PTPRT: variants seen among roughly 807,000 people sequenced by gnomAD.
PTPRT encodes the protein receptor-type tyrosine-protein phosphatase T.
In PTPRT, 56 loss-of-function variants were observed where a neutral mutation model predicts 176.8. That is an observed-to-expected ratio of 0.32 (90% confidence interval 0.26 to 0.40). The LOEUF (loss-of-function observed/expected upper bound fraction) is 0.40. Among genes scored for constraint, PTPRT ranks in the 10% least tolerant of loss-of-function variants. PTPRT has a pLI of 1.00. For missense variants in PTPRT, 1,540 were observed against 1,908.2 expected, an observed-to-expected ratio of 0.81 and a Z score of 3.60; for synonymous variants, 783 against 739.0, an observed-to-expected ratio of 1.06 and a Z score of -0.96.
At chr20:42,442,376 C>G (rs2059324120) in intron 9 of PTPRT, among the ~76,000 whole-genome samples, 1 of 152,144 alleles carries the variant, frequency 6.6e-6, no homozygotes, top group African/African-American at 2.4e-5. Flanking sequence ...CCTATTGTAC[C>G]TTTTAAAGGC....
At chr20:43,036,018 G>C (rs568674482) in intron 1 of PTPRT, among the ~76,000 whole-genome samples, 1 of 152,278 alleles carries the variant, frequency 6.6e-6, no homozygotes, top group East Asian at 1.9e-4. Flanking sequence ...CTGGGCACCA[G>C]GGAGTCTGTC....
At chr20:43,000,462 C>G (rs11907665) in intron 1 of PTPRT, among the ~76,000 whole-genome samples, 1 of 151,480 alleles carries the variant, frequency 6.6e-6, no homozygotes, top group African/African-American at 2.4e-5. Flanking sequence ...ACAGCAATGA[C>G]TTGAACTCTC....
At chr20:42,805,217 CAT>C (rs940429844) in intron 2 of PTPRT, among the ~76,000 whole-genome samples, 17 of 152,192 alleles carry the variant, frequency 1.1e-4, no homozygotes, top group African/African-American at 3.1e-4. Flanking sequence ...GACAGCCACA[CAT>C]GTCTTGAGGT....
the PTPRT span, among the ~76,000 whole-genome samples, chr20:42,059,827 C>T: frequency 6.6e-6 from 1 of 152,072 alleles, no homozygotes; most frequent in Non-Finnish European, 1.5e-5. Flanking sequence ...CTGGTTCTTA[C>T]TCATGTTTTG....
At chr20:42,313,329 C>T (rs1227305220) in intron 12 of PTPRT, among the ~76,000 whole-genome samples, 1 of 152,148 alleles carries the variant, frequency 6.6e-6, no homozygotes, top group Non-Finnish European at 1.5e-5. Flanking sequence ...CATTTACCTT[C>T]TTAATAAACT....
At chr20:42,432,886 C>T (rs1023083734) in intron 9 of PTPRT, among the ~76,000 whole-genome samples, 1 of 152,178 alleles carries the variant, frequency 6.6e-6, no homozygotes, top group African/African-American at 2.4e-5. Context: ...TCTTGCCACC[C>T]TAAAACTATA....
chr20:42,904,676 C>T (rs1208713133), intron 1 of PTPRT, among the ~76,000 whole-genome samples: 1 of 152,092 alleles, frequency 6.6e-6, no homozygotes, highest in Non-Finnish European at 1.5e-5. Flanking sequence ...TTTTCATGCC[C>T]AAATGTTGCA....
intron 7 of PTPRT, among the ~76,000 whole-genome samples, chr20:42,641,737 G>T (rs1171060639): frequency 6.6e-6 from 1 of 152,140 alleles, no homozygotes. Flanking sequence ...GGAATAAGCA[G>T]CCACAGAGAC....
At position 42,978,391 on chromosome 20, in the gene PTPRT, G is replaced by A. The variant is rs547714971; in HGVS notation, c.89-92459C>T. On this transcript the variant is annotated intron_variant, in intron 1 of 30. Coordinates refer to ENST00000373187, the MANE Select transcript of PTPRT (RefSeq NM_007050.6). ...GAAAGCAAAACTGAGAAAAGTGAGA[G>A]AATACAGGGTCAAAGAGTATGCACA... is the stretch of plus-strand genomic sequence containing the variant. Among the ~76,000 whole-genome samples the A allele has an allele frequency of 3.9e-5, 6 of 152,292 alleles. No individual in the cohort carries two copies. In the South Asian group the frequency reaches 6.2e-4, roughly 16 times the overall value.
rs208224 is a variant in PTPRT, at chr20:42,820,426, G to T, written c.215-28960C>A. Among the ~76,000 whole-genome samples, 283 of 152,198 alleles carry T rather than the reference G, an allele frequency of 1.9e-3. 2 individuals carry two copies. The highest frequency in any genetic ancestry group is 6.6e-3 in the African/African-American group (274 of 41,530). ...TGGGACACAGCTAAAGCAGTGTTAAGAGGGAAATTTATAGCACTAAATGCC... is the reference window on the plus strand; with the variant it reads ...TGGGACACAGCTAAAGCAGTGTTAATAGGGAAATTTATAGCACTAAATGCC... On this transcript the variant is annotated intron_variant, in intron 2 of 30. Coordinates refer to ENST00000373187, the MANE Select transcript of PTPRT (RefSeq NM_007050.6).
At chr20:42,231,835 T>C (rs1253395345) in intron 15 of PTPRT, among the ~76,000 whole-genome samples, 2 of 152,232 alleles carry the variant, frequency 1.3e-5, no homozygotes, top group Admixed American at 6.5e-5. Flanking sequence ...AATTATTTAC[T>C]GTCTGGCTCC....
chr20:43,126,914 C>T (rs1242216705), intron 1 of PTPRT, among the ~76,000 whole-genome samples: 1 of 152,152 alleles, frequency 6.6e-6, no homozygotes, highest in Non-Finnish European at 1.5e-5. Flanking sequence ...AGGACATCTG[C>T]CCAGAAGCAA....
intron 13 of PTPRT, among the ~76,000 whole-genome samples, chr20:42,253,305 C>T (rs1180037384): frequency 6.6e-6 from 1 of 152,128 alleles, no homozygotes; most frequent in African/African-American, 2.4e-5. Context: ...CAGATGCCAG[C>T]AGTAGGTCCA....
intron 1 of PTPRT, among the ~76,000 whole-genome samples, chr20:43,086,583 C>T (rs1028032236): frequency 6.6e-6 from 1 of 152,100 alleles, no homozygotes; most frequent in Non-Finnish European, 1.5e-5. Flanking sequence ...AGCCACCAAG[C>T]GTGAATTACT....
intron 7 of PTPRT, among the ~76,000 whole-genome samples, chr20:42,619,972 C>T (rs1297563700): frequency 0.18 from 25,649 of 142,604 alleles, 3,514 homozygotes; most frequent in African/African-American, 0.38. Context: ...AGCTTTGTTC[C>T]GTTGCTGGTG....
downstream of PTPRT, among the ~76,000 whole-genome samples, chr20:42,068,612 G>A (rs768575601): frequency 6.6e-6 from 1 of 152,172 alleles, no homozygotes. Flanking sequence ...GCACCTGGGC[G>A]GGATGAGCCA....
rs1461588938 is a variant in PTPRT at position 42,934,446 on chromosome 20, G to A, written c.89-48514C>T. On this transcript the variant is annotated intron_variant, in intron 1 of 30. Coordinates refer to ENST00000373187, the MANE Select transcript of PTPRT (RefSeq NM_007050.6). Reference sequence around the variant, plus strand: ...CATTTATTATCTCACATTTTCTGTGGGTCAGGAATCCAGGCAGAGCTCAGC... The same window carrying A: ...CATTTATTATCTCACATTTTCTGTGAGTCAGGAATCCAGGCAGAGCTCAGC... Among the ~76,000 whole-genome samples, 41 of 152,134 alleles carry A rather than the reference G, an allele frequency of 2.7e-4. 1 individual carries two copies. Among genetic ancestry groups the A allele is most frequent in the Admixed American group, 2.7e-3 (41 of 15,262 alleles).
chr20:42,057,111 C>G, the PTPRT span, among the ~76,000 whole-genome samples: 1 of 152,212 alleles, frequency 6.6e-6, no homozygotes, highest in Non-Finnish European at 1.5e-5. Flanking sequence ...GCCTCCCGCA[C>G]ATCATGAAGA....
intron 1 of PTPRT, among the ~76,000 whole-genome samples, chr20:42,979,271 T>C (rs1281895622): frequency 6.6e-6 from 1 of 152,216 alleles, no homozygotes; most frequent in African/African-American, 2.4e-5. Context: ...GTGTTCTTTA[T>C]ATATCAAGGA....
Sources: allele counts gnomAD v4.1 joint callset (sites outside exome capture counted in the v4.1 genomes callset), GRCh38; gene constraint gnomAD v4.1.1; transcripts MANE v1.5; gene names NCBI Gene and HGNC (gene_info 2026-07-23, HGNC 2026-07-21).